The following LRRC8A variants were observed in gnomAD, a reference collection of about 807,000 sequenced individuals.
LRRC8A encodes the protein volume-regulated anion channel subunit LRRC8A.
LRRC8A carries 24 observed loss-of-function variants against 52.5 expected under a neutral mutation model. The observed-to-expected ratio is 0.46, with a 90% CI of 0.33 to 0.64. The LOEUF (loss-of-function observed/expected upper bound fraction) is 0.64. LRRC8A is among the 30% of genes least tolerant of loss of function. LRRC8A has a pLI of 0.02. For synonymous variants in LRRC8A, 492 were observed against 494.2 expected, an observed-to-expected ratio of 1.00 and a Z score of 0.06; for missense variants, 677 against 1,094.7, an observed-to-expected ratio of 0.62 and a Z score of 5.38.
chr9:128,905,275 G>A (rs1840199944), intron 2 of LRRC8A, among the ~76,000 whole-genome samples: 1 of 152,196 alleles, frequency 6.6e-6, no homozygotes, highest in South Asian at 2.1e-4. Flanking sequence ...ATTGTAAAGC[G>A]GATTCTTCTT....
chr9:128,896,013 G>A (rs1242093230), intron 2 of LRRC8A, among the ~76,000 whole-genome samples: 1 of 152,258 alleles, frequency 6.6e-6, no homozygotes, highest in South Asian at 2.1e-4. Context: ...ACACTTGAAT[G>A]TGCGCAGGCA....
chr9:128,915,258 C>T (rs572676482), intron 3 of LRRC8A, among the ~76,000 whole-genome samples: 3 of 152,194 alleles, frequency 2.0e-5, no homozygotes, highest in Non-Finnish European at 2.9e-5. Flanking sequence ...ATGTTCTGTT[C>T]GTTGCTATTC....
chr9:128,902,684 G>T lies in LRRC8A; in HGVS notation c.-8-4473G>T, dbSNP rs1840073880. Among the ~76,000 whole-genome samples the T allele has an allele frequency of 6.6e-6, 1 of 152,142 alleles. No individual in the cohort carries two copies. Among genetic ancestry groups the T allele is most frequent in the African/African-American group, 2.4e-5 (1 of 41,434 alleles). On this transcript the variant is annotated intron_variant, in intron 2 of 3. Coordinates refer to ENST00000372600, the MANE Select transcript of LRRC8A (RefSeq NM_019594.4). This position sits in a 1 kb window ranked among gnomAD's most constrained non-coding sequence, Gnocchi z 4.1. ...TCCTGGCCCTGGATGGGGACTCCAG[G>T]TGTCCACATGTCTCAGTGGAGGCAG... is the stretch of plus-strand genomic sequence containing the variant.
At position 128,899,209 on chromosome 9, in the gene LRRC8A, A is replaced by G. The variant is rs2130981557; in HGVS notation, c.-8-7948A>G. On this transcript the variant is annotated intron_variant, in intron 2 of 3. Transcript: ENST00000372600. This position sits in a 1 kb window ranked among gnomAD's most constrained non-coding sequence, Gnocchi z 4.0. Reference sequence around the variant, plus strand: ...AGGGAAACTGAGGCCCTGGGAGAGAAGCTGTTCCACAGCTCCGCCAGGACG... The same window carrying G: ...AGGGAAACTGAGGCCCTGGGAGAGAGGCTGTTCCACAGCTCCGCCAGGACG... 6.6e-6 allele frequency among the ~76,000 whole-genome samples: 1 copy of G among 152,332 alleles called. No individual in the cohort carries two copies. The highest frequency in any genetic ancestry group is 2.1e-4 in the South Asian group (1 of 4,826).
At chr9:128,913,657 G>A (rs772424762) in intron 3 of LRRC8A, among the ~76,000 whole-genome samples, 5 of 152,144 alleles carry the variant, frequency 3.3e-5, no homozygotes, top group Admixed American at 6.5e-5. Flanking sequence ...ATATGGACCC[G>A]AGCTCTGCCA....
chr9:128,910,889 G>A (rs758080391), intron 3 of LRRC8A, among the ~76,000 whole-genome samples: 26 of 152,248 alleles, frequency 1.7e-4, no homozygotes, highest in Admixed American at 3.9e-4. Flanking sequence ...TTCTTAGTTC[G>A]GTTGTTGCTG....
chr9:128,898,039 AGTGTGTGTGTGTGT>A (rs58876901), intron 2 of LRRC8A, among the ~76,000 whole-genome samples: 15,315 of 136,402 alleles, frequency 0.11, 900 homozygotes, highest in South Asian at 0.19. Flanking sequence ...AAGATTGTTC[AGTGTGTGTGTGTGT>A]GTGTGTGTGT....
chr9:128,908,673 C>G lies in LRRC8A; in HGVS notation c.1509C>G (p.Thr503=). 1 of 1,612,844 alleles carries G rather than the reference C, an allele frequency of 6.2e-7. No individual in the cohort carries two copies. Among genetic ancestry groups the G allele is most frequent in the Non-Finnish European group, 8.5e-7 (1 of 1,179,966 alleles). The part of the protein sequence containing the change: ...ENLRALHIKF[T]DIKEIPLWIY... Reference sequence around the variant, plus strand: ...TGCGGGCGCTGCACATCAAGTTCACCGACATCAAGGAGATCCCGCTGTGGA... The same window carrying G: ...TGCGGGCGCTGCACATCAAGTTCACGGACATCAAGGAGATCCCGCTGTGGA... Residue 503 remains threonine (T), a synonymous_variant, in exon 3 of 4, where the codon ACC becomes ACG. Coordinates refer to ENST00000372600, the MANE Select transcript of LRRC8A (RefSeq NM_019594.4).
intron 2 of LRRC8A, among the ~76,000 whole-genome samples, chr9:128,894,792 CAAAA>C (rs34427753): frequency 6.5e-5 from 8 of 123,390 alleles, no homozygotes; most frequent in Non-Finnish European, 6.9e-5. Flanking sequence ...GACTCTACCT[CAAAA>C]AAAAAAAAAA....
At position 128,907,877 on chromosome 9, in the gene LRRC8A, A is replaced by G. The variant is rs764647768; in HGVS notation, c.713A>G (p.Glu238Gly). 6.2e-7 allele frequency: 1 copy of G among 1,614,010 alleles called. No homozygotes were observed. The highest frequency in any genetic ancestry group is 8.5e-7 in the Non-Finnish European group (1 of 1,179,998). The change falls in exon 3 of 4, where the codon GAG (glutamate) becomes GGG (glycine). Residue 238 changes from glutamate (E) to glycine (G), a missense_variant. Physicochemically the swap from Glu to Gly is moderately conservative, Grantham distance 98. Coordinates refer to ENST00000372600, the MANE Select transcript of LRRC8A (RefSeq NM_019594.4). This position sits in a 1 kb window ranked among gnomAD's most constrained non-coding sequence, Gnocchi z 9.3. Reference protein sequence around the residue: ...ETGVLDKKEGEQAKALFEKVK... With the variant: ...ETGVLDKKEGGQAKALFEKVK... ...GGCGTGCTGGACAAGAAGGAGGGGG[A>G]GCAAGCCAAGGCGCTGTTTGAGAAG...
intron 1 of LRRC8A, among the ~76,000 whole-genome samples, chr9:128,884,279 A>G (rs1347577753): frequency 6.6e-6 from 1 of 152,178 alleles, no homozygotes. Flanking sequence ...AGCTGATTCC[A>G]GGTTTTCACA....
rs1320063824 is a variant in LRRC8A at position 128,892,560 on chromosome 9, C to T, written c.-9+6439C>T. Among the ~76,000 whole-genome samples, 1 of 152,154 alleles carries T rather than the reference C, an allele frequency of 6.6e-6. No individual in the cohort carries two copies. The highest frequency in any genetic ancestry group is 1.5e-5 in the Non-Finnish European group (1 of 68,016). On this transcript the variant is annotated intron_variant, in intron 2 of 3. Coordinates refer to ENST00000372600, the MANE Select transcript of LRRC8A (RefSeq NM_019594.4). The surrounding 1 kb of genome is among the most constrained non-coding windows in gnomAD (Gnocchi z 5.2). ...CCTTCTACACAGGGCGAGTCCCAAG[C>T]CAGGCAACACCCCCAGCCAGCAGCC...
rs1043744396 is a variant in LRRC8A at position 128,916,527 on chromosome 9, G to A, written c.*156G>A. On this transcript the variant is annotated 3_prime_UTR_variant, in exon 4 of 4. Coordinates refer to ENST00000372600, the MANE Select transcript of LRRC8A (RefSeq NM_019594.4). The surrounding 1 kb of genome is among the most constrained non-coding windows in gnomAD (Gnocchi z 6.1). The stretch of plus-strand genomic sequence containing the variant: ...GCTTGTGAGTCAGGCCAGAGCGAGA[G>A]GACAGTATCTGTGGGGCTGGCCCCT... 4 of 930,550 alleles carry A rather than the reference G, an allele frequency of 4.3e-6. No individual in the cohort carries two copies. Among genetic ancestry groups the A allele is most frequent in the Non-Finnish European group, 4.7e-6 (3 of 639,264 alleles). The allele number at this position is 930,550 out of a possible 1,614,324, so 57.6% of individuals were successfully genotyped here. A position where few individuals can be genotyped will look rare whatever the true frequency, so the allele number is the denominator to read the frequency against.
chr9:128,890,989 T>TA (rs892616576), intron 2 of LRRC8A, among the ~76,000 whole-genome samples: 21 of 139,484 alleles, frequency 1.5e-4, no homozygotes, highest in Non-Finnish European at 2.2e-4. Flanking sequence ...TCTACAAAAA[T>TA]AAAAAAAAAA....
chr9:128,914,098 G>C (rs547718901), intron 3 of LRRC8A, among the ~76,000 whole-genome samples: 1 of 152,086 alleles, frequency 6.6e-6, no homozygotes, highest in Non-Finnish European at 1.5e-5. Flanking sequence ...CCAGCTACTC[G>C]GGAGGCTAAG....
At chr9:128,890,169 T>TGTGTGTGTGTGC (rs1491190172) in intron 2 of LRRC8A, among the ~76,000 whole-genome samples, 6 of 148,452 alleles carry the variant, frequency 4.0e-5, no homozygotes, top group Non-Finnish European at 8.9e-5. Context: ...TGTGTGTGTG[T>TGTGTGTGTGTGC]GCTGGGAAGG....
Position 128,882,499 on chromosome 9 carries a change from C to T in LRRC8A, c.-116+249C>T, listed in dbSNP as rs548709993. 2.6e-3 allele frequency: 999 copies of T among 390,420 alleles called. 5 individuals carry two copies. The highest frequency in any genetic ancestry group is 0.014 in the Middle Eastern group (21 of 1,554). The allele number at this position is 390,420 out of a possible 1,614,324, so 24.2% of individuals were successfully genotyped here. On this transcript the variant is annotated intron_variant, in intron 1 of 3. Coordinates refer to ENST00000372600, the MANE Select transcript of LRRC8A (RefSeq NM_019594.4). Reference sequence around the variant, plus strand: ...CCCCTCCCAGGCACCCCTGTGCCTCCTTGTGCTTCAGAAACCAGGAGTTTC... The same window carrying T: ...CCCCTCCCAGGCACCCCTGTGCCTCTTTGTGCTTCAGAAACCAGGAGTTTC...
At chr9:128,890,566 A>T (rs1228191445) in intron 2 of LRRC8A, among the ~76,000 whole-genome samples, 4 of 152,116 alleles carry the variant, frequency 2.6e-5, no homozygotes, top group African/African-American at 9.7e-5. Flanking sequence ...GACACCTCGC[A>T]TCTCCCAGCT....
rs1056771080 is a variant in LRRC8A, at chr9:128,899,952, A to G, written c.-8-7205A>G. Among the ~76,000 whole-genome samples the G allele has an allele frequency of 7.9e-5, 12 of 151,884 alleles. No individual in the cohort carries two copies. Among genetic ancestry groups the G allele is most frequent in the African/African-American group, 2.7e-4 (11 of 41,140 alleles). The stretch of plus-strand genomic sequence containing the variant: ...AGGGGAAAAAATGGACCTGGAAACA[A>G]TGGGGACCTCCTGGCTCAGTGCAGG... On this transcript the variant is annotated intron_variant, in intron 2 of 3. Transcript: ENST00000372600. This position sits in a 1 kb window ranked among gnomAD's most constrained non-coding sequence, Gnocchi z 4.0.
Sources: allele counts gnomAD v4.1 joint callset (sites outside exome capture counted in the v4.1 genomes callset), GRCh38; gene constraint gnomAD v4.1.1; non-coding constraint Gnocchi (gnomAD v3.1); transcripts MANE v1.5; gene names NCBI Gene and HGNC (gene_info 2026-07-23, HGNC 2026-07-21).